CD96: variants seen among roughly 807,000 people sequenced by gnomAD.
CD96 encodes CD96 molecule.
A neutral mutation model predicts 71.3 loss-of-function variants in CD96; 70 were observed. That is an observed-to-expected ratio of 0.98 (90% CI 0.81 to 1.20). The LOEUF is 1.20. Ranked by LOEUF, CD96 falls within the 50% of genes most tolerant of loss-of-function variation. The pLI is 0.00. For synonymous variants in CD96, 248 were observed against 233.0 expected (o/e 1.06, Z -0.59); for missense variants, 742 against 677.5 (o/e 1.10, Z -1.06).
chr3:111,612,801 A>G, intron 8 of CD96: 2 of 900,440 alleles, frequency 2.2e-6, no homozygotes, highest in Non-Finnish European at 2.7e-6. Context: ...ACCTATGCTT[A>G]TATTAATCTC....
intron 8 of CD96, among the ~76,000 whole-genome samples, chr3:111,615,165 T>A (rs1408635788): frequency 6.6e-6 from 1 of 152,226 alleles, no homozygotes; most frequent in Non-Finnish European, 1.5e-5. Flanking sequence ...TTGTTCTGCA[T>A]TAACCATTGA....
At chr3:111,580,609 T>G (rs1285051467) in intron 4 of CD96, among the ~76,000 whole-genome samples, 2 of 152,220 alleles carry the variant, frequency 1.3e-5, no homozygotes, top group African/African-American at 2.4e-5. Context: ...TTATTGGCAG[T>G]CATACAATTT....
chr3:111,607,949 A>G (rs1242569650), intron 8 of CD96, among the ~76,000 whole-genome samples: 1 of 152,170 alleles, frequency 6.6e-6, no homozygotes, highest in African/African-American at 2.4e-5. Context: ...AAATCTCTCT[A>G]GTATCCTGTG....
intron 2 of CD96, among the ~76,000 whole-genome samples, chr3:111,559,323 C>T (rs1935260056): frequency 1.9e-5 from 2 of 105,094 alleles, no homozygotes; most frequent in African/African-American, 7.4e-5. Context: ...TGGATCTTTC[C>T]TGCTTTCTCT....
intron 13 of CD96, among the ~76,000 whole-genome samples, chr3:111,648,514 A>G (rs1326703412): frequency 1.3e-5 from 2 of 152,078 alleles, no homozygotes; most frequent in Admixed American, 1.3e-4. Context: ...ACCTTGAGAA[A>G]CTCATAATTC....
At chr3:111,642,011 A>G (rs56306480) in intron 12 of CD96, among the ~76,000 whole-genome samples, 12,697 of 152,230 alleles carry the variant, frequency 0.083, 819 homozygotes, top group East Asian at 0.26. Flanking sequence ...GCTAAGAGGA[A>G]AGTTCACAGC....
At chr3:111,545,862 G>A (rs1934370018) in intron 2 of CD96, among the ~76,000 whole-genome samples, 1 of 152,096 alleles carries the variant, frequency 6.6e-6, no homozygotes. Context: ...AGGCAGGTAA[G>A]GACCAGATCA....
intron 3 of CD96, among the ~76,000 whole-genome samples, chr3:111,569,781 C>CT (rs941883827): frequency 2.0e-5 from 3 of 151,486 alleles, no homozygotes; most frequent in African/African-American, 7.3e-5. Flanking sequence ...TCTCTCATTT[C>CT]TTTTTTTTTC....
intron 6 of CD96, among the ~76,000 whole-genome samples, chr3:111,599,677 C>T (rs11707702): frequency 0.45 from 68,393 of 151,878 alleles, 18,532 homozygotes; most frequent in Non-Finnish European, 0.6. Flanking sequence ...ACCAAGATTG[C>T]GCCATTGCAC....
At chr3:111,552,066 T>A (rs1302718441) in intron 2 of CD96, among the ~76,000 whole-genome samples, 1 of 152,202 alleles carries the variant, frequency 6.6e-6, no homozygotes, top group Non-Finnish European at 1.5e-5. Flanking sequence ...TGAGCTTTTT[T>A]TCATATTTGT....
intron 12 of CD96, among the ~76,000 whole-genome samples, chr3:111,641,265 T>C (rs1439786995): frequency 1.3e-5 from 2 of 152,112 alleles, no homozygotes; most frequent in African/African-American, 4.8e-5. Flanking sequence ...ACCTAACACA[T>C]AAGGACTCAT....
chr3:111,663,424 T>G (rs1206914626), intron 14 of CD96, among the ~76,000 whole-genome samples: 1 of 152,124 alleles, frequency 6.6e-6, no homozygotes, highest in East Asian at 1.9e-4. Flanking sequence ...AGTAGACAAG[T>G]GGGACCTAAT....
chr3:111,633,268 T>C (rs1161934694), intron 10 of CD96, among the ~76,000 whole-genome samples: 3 of 152,122 alleles, frequency 2.0e-5, no homozygotes, highest in Non-Finnish European at 2.9e-5. Flanking sequence ...CATTTATCAA[T>C]TAAGTTCTCC....
At chr3:111,592,225 T>A (rs1937023637) in intron 5 of CD96, among the ~76,000 whole-genome samples, 1 of 152,226 alleles carries the variant, frequency 6.6e-6, no homozygotes, top group Non-Finnish European at 1.5e-5. Context: ...CAGTTTGATT[T>A]TATTCTATTT....
rs72939572 is a variant in CD96 at position 111,614,441 on chromosome 3, T to C, written c.1180+7649T>C. On this transcript the variant is annotated intron_variant, in intron 8 of 13. Transcript: ENST00000352690. ...GGAGAATAAAAATTGCCATATTGACTTCATGGGGCACTCTGGCAGATTTTT... is the reference window on the plus strand; with the variant it reads ...GGAGAATAAAAATTGCCATATTGACCTCATGGGGCACTCTGGCAGATTTTT... 6.7e-3 allele frequency among the ~76,000 whole-genome samples: 1,022 copies of C among 152,290 alleles called. 19 individuals are homozygous for C. Among genetic ancestry groups the C allele is most frequent in the African/African-American group, 0.023 (968 of 41,552 alleles).
intron 12 of CD96, among the ~76,000 whole-genome samples, chr3:111,641,315 C>T (rs1167952910): frequency 2.6e-5 from 4 of 152,152 alleles, no homozygotes; most frequent in Admixed American, 2.6e-4. Context: ...GCATTTCATG[C>T]CAATGGACAC....
intron 2 of CD96, among the ~76,000 whole-genome samples, chr3:111,555,753 GT>G (rs1212421840): frequency 6.6e-5 from 10 of 152,284 alleles, no homozygotes; most frequent in Non-Finnish European, 1.3e-4. Flanking sequence ...TCCTATTCAG[GT>G]TTTGTTAAAG....
At chr3:111,627,350 C>T (rs1016144370) in intron 10 of CD96, among the ~76,000 whole-genome samples, 3 of 152,186 alleles carry the variant, frequency 2.0e-5, no homozygotes, top group African/African-American at 7.2e-5. Flanking sequence ...AGAGGCAGTT[C>T]CACAACACAG....
chr3:111,597,554 A>T (rs569120928), intron 5 of CD96, among the ~76,000 whole-genome samples: 32 of 152,358 alleles, frequency 2.1e-4, no homozygotes, highest in African/African-American at 7.5e-4. Context: ...GGCAAAAATA[A>T]GGCATGCTCT....
Sources: gnomAD v4.1 joint callset for allele counts (sites outside exome capture counted in the v4.1 genomes callset) on GRCh38, gnomAD v4.1.1 for gene constraint, MANE v1.5 for transcripts, NCBI Gene and HGNC (gene_info 2026-07-23, HGNC 2026-07-21) for gene names.